The following PPM1L variants were observed in gnomAD, a reference collection of about 807,000 sequenced individuals.
PPM1L encodes protein phosphatase, Mg2+/Mn2+ dependent 1L, also known as protein phosphatase 1L.
PPM1L carries 13 observed loss-of-function variants against 31.4 expected under a neutral mutation model. That is an observed-to-expected ratio of 0.41 (90% CI 0.27 to 0.66). The LOEUF is 0.66. PPM1L is among the 30% of genes least tolerant of loss of function. PPM1L has a pLI of 0.29. For synonymous variants in PPM1L, 184 were observed against 175.4 expected, an observed-to-expected ratio of 1.05 and a Z score of -0.39; for missense variants, 326 against 453.7, an observed-to-expected ratio of 0.72 and a Z score of 2.56.
chr3:161,014,018 T>G (rs1290002293), intron 2 of PPM1L, among the ~76,000 whole-genome samples: 1 of 152,192 alleles, frequency 6.6e-6, no homozygotes, highest in Non-Finnish European at 1.5e-5. Context: ...TTTAGCCCAT[T>G]TACATTTAAG....
chr3:160,858,471 T>C (rs1426983913), intron 1 of PPM1L, among the ~76,000 whole-genome samples: 2 of 152,188 alleles, frequency 1.3e-5, no homozygotes, highest in African/African-American at 2.4e-5. Flanking sequence ...GGTCCTGAAC[T>C]CCTGACCTCA....
chr3:160,788,492 G>T (rs1251193771), intron 1 of PPM1L, among the ~76,000 whole-genome samples: 5 of 151,884 alleles, frequency 3.3e-5, no homozygotes, highest in Admixed American at 1.3e-4. Context: ...AAGAAGATTT[G>T]CCCTTTATCA....
At chr3:160,927,993 A>G (rs1277085558) in intron 1 of PPM1L, among the ~76,000 whole-genome samples, 1 of 152,244 alleles carries the variant, frequency 6.6e-6, no homozygotes, top group Non-Finnish European at 1.5e-5. Flanking sequence ...GAACAATTTT[A>G]GAATGTTAGA....
intron 1 of PPM1L, among the ~76,000 whole-genome samples, chr3:160,897,467 A>G (rs2108050795): frequency 6.6e-6 from 1 of 152,324 alleles, no homozygotes; most frequent in South Asian, 2.1e-4. Context: ...CTATAGTGGA[A>G]GTGGTTCACA....
intron 1 of PPM1L, among the ~76,000 whole-genome samples, chr3:160,920,613 TCTCA>T (rs1456585130): frequency 1.1e-4 from 3 of 26,986 alleles, no homozygotes; most frequent in East Asian, 8.8e-4. Context: ...TCTCTCTCTC[TCTCA>T]CACACACACA....
At chr3:160,950,170 T>A (rs1230173238) in intron 1 of PPM1L, among the ~76,000 whole-genome samples, 1 of 152,148 alleles carries the variant, frequency 6.6e-6, no homozygotes, top group African/African-American at 2.4e-5. Flanking sequence ...AGGAGTCTCC[T>A]TGGGTGCCTT....
chr3:160,985,536 A>G (rs773363643), intron 2 of PPM1L, among the ~76,000 whole-genome samples: 4 of 152,154 alleles, frequency 2.6e-5, no homozygotes, highest in Non-Finnish European at 5.9e-5. Context: ...TCTCATTCCC[A>G]TATTGGAAGT....
chr3:160,792,547 C>T (rs1712135696), intron 1 of PPM1L, among the ~76,000 whole-genome samples: 1 of 152,092 alleles, frequency 6.6e-6, no homozygotes, highest in South Asian at 2.1e-4. Context: ...AATATTGATA[C>T]ACTATTATTA....
At chr3:160,862,664 A>ACACACC (rs1711939064) in intron 1 of PPM1L, among the ~76,000 whole-genome samples, 1 of 83,184 alleles carries the variant, frequency 1.2e-5, no homozygotes, top group Non-Finnish European at 2.8e-5. Context: ...AGGCACACGC[A>ACACACC]CACACACACA....
intron 1 of PPM1L, among the ~76,000 whole-genome samples, chr3:160,757,638 T>C (rs1439439383): frequency 6.6e-6 from 1 of 152,246 alleles, no homozygotes; most frequent in Non-Finnish European, 1.5e-5. Context: ...AATGTGGCTC[T>C]AGCGCCATGC....
At chr3:160,946,508 C>T (rs1023754832) in intron 1 of PPM1L, among the ~76,000 whole-genome samples, 1 of 152,052 alleles carries the variant, frequency 6.6e-6, no homozygotes, top group African/African-American at 2.4e-5. Context: ...GTGGAAAAAC[C>T]CCTGAAGATG....
At chr3:160,972,942 G>A (rs1270771609) in intron 2 of PPM1L, among the ~76,000 whole-genome samples, 1 of 151,770 alleles carries the variant, frequency 6.6e-6, no homozygotes, top group Non-Finnish European at 1.5e-5. Flanking sequence ...GCATTTCTCT[G>A]ATGGCCAGTG....
At chr3:161,067,242 C>T (rs945098129) in intron 3 of PPM1L, among the ~76,000 whole-genome samples, 2 of 152,196 alleles carry the variant, frequency 1.3e-5, no homozygotes, top group East Asian at 1.9e-4. Flanking sequence ...CCACTACCCA[C>T]GCCTGCACCC....
At chr3:160,948,990 A>T (rs1198111964) in intron 1 of PPM1L, among the ~76,000 whole-genome samples, 4 of 152,178 alleles carry the variant, frequency 2.6e-5, no homozygotes, top group Admixed American at 2.6e-4. Context: ...GCAAACATTT[A>T]AAAAGTAGAT....
At chr3:160,783,426 T>G (rs1711805412) in intron 1 of PPM1L, among the ~76,000 whole-genome samples, 2 of 151,696 alleles carry the variant, frequency 1.3e-5, no homozygotes, top group Admixed American at 1.3e-4. Context: ...ATGGTGAAAC[T>G]CCATATCTAC....
chr3:160,994,835 G>A (rs763224795), intron 2 of PPM1L, among the ~76,000 whole-genome samples: 20 of 152,176 alleles, frequency 1.3e-4, no homozygotes, highest in Non-Finnish European at 2.4e-4. Context: ...GAGCTTGACA[G>A]TATAGGGAAT....
chr3:160,987,952 A>G lies in PPM1L; in HGVS notation c.574+26042A>G, dbSNP rs574487424. ...TTCTTCTGGTCCTATCGGCTGTGGC[A>G]AAGGGGCCAGGCTTATATGGCGGAA... On this transcript the variant is annotated intron_variant, in intron 2 of 3. Transcript: ENST00000498165. Among the ~76,000 whole-genome samples the G allele has an allele frequency of 3.9e-5, 6 of 152,332 alleles. No homozygotes were observed. In the East Asian group the frequency reaches 7.7e-4, roughly 20 times the overall value.
chr3:160,972,858 C>T (rs1214609925), intron 2 of PPM1L, among the ~76,000 whole-genome samples: 3 of 152,088 alleles, frequency 2.0e-5, no homozygotes, highest in African/African-American at 7.2e-5. Context: ...CTCTCCAGCA[C>T]CTGTTGTTTC....
intron 2 of PPM1L, among the ~76,000 whole-genome samples, chr3:161,007,570 C>A (rs1178322259): frequency 4.6e-5 from 7 of 152,228 alleles, no homozygotes; most frequent in Non-Finnish European, 8.8e-5. Context: ...CTGCAGTCTG[C>A]ATGCAGCCCA....
Sources: allele counts gnomAD v4.1 joint callset (sites outside exome capture counted in the v4.1 genomes callset), GRCh38; gene constraint gnomAD v4.1.1; transcripts MANE v1.5; gene names NCBI Gene and HGNC (gene_info 2026-07-23, HGNC 2026-07-21).